ESPL1: variants seen among roughly 807,000 people sequenced by gnomAD.
ESPL1 encodes separin.
A neutral mutation model predicts 217.2 loss-of-function variants in ESPL1; 50 were observed. The observed-to-expected ratio is 0.23, with a 90% CI of 0.18 to 0.29. The LOEUF (loss-of-function observed/expected upper bound fraction) is 0.29, where lower values mean the gene tolerates loss of function less well. ESPL1 is among the 10% of genes least tolerant of loss of function. The pLI is 1.00. For synonymous variants in ESPL1, 994 were observed against 1,081.3 expected (o/e 0.92, Z 1.58); for missense variants, 1,834 against 2,603.0 (o/e 0.70, Z 6.43).
intron 7 of ESPL1, 126 bp from the exon 8 acceptor site, chr12:53,276,494 A>G: frequency 8.9e-7 from 1 of 1,122,798 alleles, no homozygotes; most frequent in Non-Finnish European, 1.2e-6. Flanking sequence ...TCTGATTTAA[A>G]TTTTTAAAGC....
chr12:53,291,880 G>A lies in ESPL1; in HGVS notation c.5691+20G>A. On this transcript the variant is annotated intron_variant, in intron 26 of 30. Transcript: ENST00000257934. ...GACAAGGTAAGGAGCTGGGGCAGAGGGGCAGTGTCTAGTGGGGAGTGAATA... is the reference window on the plus strand; with the variant it reads ...GACAAGGTAAGGAGCTGGGGCAGAGAGGCAGTGTCTAGTGGGGAGTGAATA... 6.3e-7 allele frequency: 1 copy of A among 1,586,762 alleles called. No homozygotes were observed. The highest frequency in any genetic ancestry group is 8.6e-7 in the Non-Finnish European group (1 of 1,164,646).
chr12:53,292,418 C>A lies in ESPL1; in HGVS notation c.5912+25C>A. ...GGTCAGGGGCGCGAAGACAAGAAGA[C>A]GTGTGGGGAAGGGTAGACAACATAC... On this transcript the variant is annotated intron_variant, in intron 28 of 30. Coordinates refer to ENST00000257934, the MANE Select transcript of ESPL1 (RefSeq NM_012291.5). This position sits in a 1 kb window ranked among gnomAD's most constrained non-coding sequence, Gnocchi z 4.5. The A allele has an allele frequency of 6.5e-7, 1 of 1,544,768 alleles. No individual in the cohort carries two copies. Among genetic ancestry groups the A allele is most frequent in the Non-Finnish European group, 9.0e-7 (1 of 1,116,908 alleles).
chr12:53,291,388 G>A (rs1416668842), intron 25 of ESPL1, among the ~76,000 whole-genome samples: 3 of 151,412 alleles, frequency 2.0e-5, no homozygotes, highest in Non-Finnish European at 2.9e-5. Flanking sequence ...GTCAAGAGGT[G>A]AAGACCATCC....
rs2120989499 is a variant in ESPL1, at chr12:53,289,114, G to A, written c.4733G>A (p.Cys1578Tyr). 3.1e-6 allele frequency: 5 copies of A among 1,614,106 alleles called. No individual in the cohort carries two copies. The highest frequency in any genetic ancestry group is 4.5e-5 in the East Asian group (2 of 44,878). ...GGTCTTTCTACCCTGGACTCCATCT[G>A]TGACTCCCTGAGTGTTGCTTTCCGG... ...ATGLSTLDSICDSLSVAFRGI... is the reference protein window; with the variant it reads ...ATGLSTLDSIYDSLSVAFRGI... The change falls in exon 21 of 31, where the codon TGT becomes TAT. Residue 1578 changes from cysteine (C) to tyrosine (Y), a missense_variant. Physicochemically the swap from Cys to Tyr is radical, Grantham distance 194 (BLOSUM62 -2). Transcript: ENST00000257934.
At chr12:53,284,226 A>G (rs1312128891) in intron 17 of ESPL1, 59 bp downstream of exon 17, 6 of 1,016,240 alleles carry the variant, frequency 5.9e-6, no homozygotes, top group Non-Finnish European at 9.3e-6. Context: ...ACTACAGCAC[A>G]TCTTTCTATG....
rs756157631 is a variant in ESPL1, at chr12:53,293,327, C to T, written c.6216C>T (p.Tyr2072=). ...TGACTGACCGCGACATTGACCGCTA[C>T]ACGGAAGCTCTGCTGCAAGGCTGGC... is the stretch of plus-strand genomic sequence containing the variant. The part of the protein sequence containing the change: ...WDVTDRDIDR[Y]TEALLQGWLG... Residue 2072 remains tyrosine (Y), a synonymous_variant, in exon 31 of 31, where the codon TAC becomes TAT. Transcript: ENST00000257934. This position sits in a 1 kb window ranked among gnomAD's most constrained non-coding sequence, Gnocchi z 4.2. The T allele has an allele frequency of 6.2e-6, 10 of 1,614,086 alleles. No homozygotes were observed. The highest frequency in any genetic ancestry group is 8.5e-6 in the Non-Finnish European group (10 of 1,180,040).
Position 53,293,237 on chromosome 12 carries a change from G to C in ESPL1, c.6162-36G>C. The stretch of plus-strand genomic sequence containing the variant: ...GTTTTCCTATGTATTCTGTTTTAGA[G>C]CCCTTACTTTGTATTTCCTCCTTTT... On this transcript the variant is annotated intron_variant, in intron 30 of 30. Coordinates refer to ENST00000257934, the MANE Select transcript of ESPL1 (RefSeq NM_012291.5). This position sits in a 1 kb window ranked among gnomAD's most constrained non-coding sequence, Gnocchi z 4.2. The C allele has an allele frequency of 6.5e-7, 1 of 1,545,390 alleles. No individual in the cohort carries two copies. Among genetic ancestry groups the C allele is most frequent in the South Asian group, 1.1e-5 (1 of 89,644 alleles).
intron 7 of ESPL1, among the ~76,000 whole-genome samples, chr12:53,276,337 G>A (rs1024836395): frequency 3.9e-5 from 6 of 152,206 alleles, no homozygotes; most frequent in Non-Finnish European, 8.8e-5. Context: ...GTAGAATAGC[G>A]GTATAGGATG....
intron 7 of ESPL1, 41 bp from the exon 8 acceptor site, chr12:53,276,579 C>T: frequency 6.5e-7 from 1 of 1,549,344 alleles, no homozygotes; most frequent in Non-Finnish European, 8.7e-7. Flanking sequence ...GGCTTTATGC[C>T]TCCTGGGTTC....
At position 53,281,166 on chromosome 12, in the gene ESPL1, C is replaced by T. The variant is rs1224481226; in HGVS notation, c.2500-341C>T. Among the ~76,000 whole-genome samples, 6 of 115,100 alleles carry T rather than the reference C, an allele frequency of 5.2e-5. No homozygotes were observed. The East Asian group carries it at 1.6e-3, about 31-fold the overall frequency. The allele number at this position is 115,100 out of a possible 152,430, so 75.5% of individuals were successfully genotyped here. ...TTTTTTTTTTTTTTTGAGACGGAGT[C>T]TCACTCTGTTGCCCAGGCTGGAGTG... is the stretch of plus-strand genomic sequence containing the variant. On this transcript the variant is annotated intron_variant, in intron 12 of 30. Transcript: ENST00000257934.
chr12:53,276,985 G>A (rs974331508), intron 8 of ESPL1, 98 bp from the exon 9 acceptor site: 7 of 1,557,970 alleles, frequency 4.5e-6, no homozygotes, highest in African/African-American at 1.4e-5. Context: ...GGGAGCACAT[G>A]CAAAGGGCGA....
chr12:53,283,210 T>G lies in ESPL1; in HGVS notation c.2873T>G (p.Ile958Ser), dbSNP rs182921952. 8 of 1,614,210 alleles carry G rather than the reference T, an allele frequency of 5.0e-6. No homozygotes were observed. In the Admixed American group the frequency reaches 8.3e-5, roughly 17 times the overall value. ...SIILLLMGSD[I>S]LSTQKAAVET... Reference sequence around the variant, plus strand: ...ATCCTCCTGCTGATGGGCAGTGACATTCTCTCAACTCAGAAAGCAGCTGTG... The same window carrying G: ...ATCCTCCTGCTGATGGGCAGTGACAGTCTCTCAACTCAGAAAGCAGCTGTG... The change falls in exon 15 of 31, where the codon ATT (isoleucine) becomes AGT (serine). Residue 958 changes from isoleucine (I) to serine (S), a missense_variant. Transcript: ENST00000257934.
In ESPL1 at chr12:53,288,062, C is replaced by T. The variant is rs750601771; in HGVS notation, c.4267C>T (p.Arg1423Trp). The T allele has an allele frequency of 9.3e-6, 15 of 1,613,486 alleles. No individual in the cohort carries two copies. Among genetic ancestry groups the T allele is most frequent in the Non-Finnish European group, 1.1e-5 (13 of 1,179,996 alleles). ...EEPKRRGTAS[R>W]GRGRARKGLS... Reference sequence around the variant, plus strand: ...GCCTAAGAGACGGGGCACTGCTTCCCGGGGCCGGGGGCGAGCAAGGAAGGG... The same window carrying T: ...GCCTAAGAGACGGGGCACTGCTTCCTGGGGCCGGGGGCGAGCAAGGAAGGG... Residue 1423 changes from arginine to tryptophan, a missense_variant, in exon 19 of 31, where the codon CGG becomes TGG. Physicochemically the swap from Arg to Trp is moderately radical, Grantham distance 101. Around this residue, in one of 5 missense-constraint regions of ESPL1, gnomAD observed 681 missense variants for 808.0 expected, o/e 0.84. Coordinates refer to ENST00000257934, the MANE Select transcript of ESPL1 (RefSeq NM_012291.5).
chr12:53,286,369 C>A lies in ESPL1; in HGVS notation c.3633C>A (p.Pro1211=). The change falls in exon 18 of 31, where the codon CCC becomes CCA. Residue 1211 remains proline, a synonymous_variant. Coordinates refer to ENST00000257934, the MANE Select transcript of ESPL1 (RefSeq NM_012291.5). This position sits in a 1 kb window ranked among gnomAD's most constrained non-coding sequence, Gnocchi z 5.3. ...AAGCTTCCCTGAATCATAAAACACC[C>A]CCCTCCTTGGTTCCAAGCCTCTTGG... ...ALQASLNHKT[P]PSLVPSLLDE... 6.2e-7 allele frequency: 1 copy of A among 1,614,210 alleles called. No homozygotes were observed. Among genetic ancestry groups the A allele is most frequent in the African/African-American group, 1.3e-5 (1 of 75,070 alleles).
rs137968545 is a variant in ESPL1, at chr12:53,289,493, C to T, written c.5012C>T (p.Ala1671Val). The change falls in exon 22 of 31, where the codon GCC becomes GTC. Residue 1671 changes from alanine to valine, a missense_variant. Ala to Val is a moderately conservative substitution (Grantham distance 64). Around this residue, in one of 5 missense-constraint regions of ESPL1, gnomAD observed 681 missense variants for 808.0 expected, o/e 0.84. Transcript: ENST00000257934. Reference sequence around the variant, plus strand: ...GAGATGCCTGGAGATGTCCCCCTGGCCCGCATCCAGCGCCTCTTTTCCTTC... The same window carrying T: ...GAGATGCCTGGAGATGTCCCCCTGGTCCGCATCCAGCGCCTCTTTTCCTTC... The part of the protein sequence containing the change: ...LQEMPGDVPL[A>V]RIQRLFSFRA... 144 of 1,614,174 alleles carry T rather than the reference C, an allele frequency of 8.9e-5. 1 individual carries two copies. The African/African-American group carries it at 1.8e-3, about 20-fold the overall frequency.
chr12:53,278,718 A>C (rs1473090854), intron 11 of ESPL1, among the ~76,000 whole-genome samples: 3 of 149,070 alleles, frequency 2.0e-5, no homozygotes, highest in Non-Finnish European at 3.0e-5. Flanking sequence ...CAGCCTCCTG[A>C]GTAGCTGGGA....
intron 6 of ESPL1, chr12:53,274,372 A>G (rs1262978888): frequency 6.1e-6 from 1 of 163,660 alleles, no homozygotes; most frequent in Non-Finnish European, 1.3e-5. Flanking sequence ...TCAGGCTGCT[A>G]TAGTATTCTA....
Position 53,289,212 on chromosome 12 carries a change from C to T in ESPL1, c.4831C>T (p.Arg1611Trp), listed in dbSNP as rs1270353238. 1 of 1,613,636 alleles carries T rather than the reference C, an allele frequency of 6.2e-7. No individual in the cohort carries two copies. The highest frequency in any genetic ancestry group is 1.3e-5 in the African/African-American group (1 of 74,924). Residue 1611 changes from arginine (R) to tryptophan (W), a missense_variant, in exon 21 of 31, where the codon CGG (arginine) becomes TGG (tryptophan). Around this residue, in one of 5 missense-constraint regions of ESPL1, gnomAD observed 681 missense variants for 808.0 expected, o/e 0.84. Coordinates refer to ENST00000257934, the MANE Select transcript of ESPL1 (RefSeq NM_012291.5). The stretch of plus-strand genomic sequence containing the variant: ...CTTCCTGGCCTTGTGCCTGGGCCAC[C>T]GGGATCCTTATGCCACTGCTTTCCT... ...CRFLALCLGH[R>W]DPYATAFLVT... is the part of the protein sequence containing the mutation.
In ESPL1 at chr12:53,292,199, C is replaced by T. The variant is rs913746486; in HGVS notation, c.5797-79C>T. The T allele has an allele frequency of 1.8e-5, 25 of 1,419,094 alleles. No individual in the cohort carries two copies. In the African/African-American group the frequency reaches 2.7e-4, roughly 15 times the overall value. 87.9% of individuals were successfully genotyped at this position (1,419,094 alleles called of 1,614,324 possible). ...GAGAGGGTCCTAGGAATGGCTCAGA[C>T]ATGGAAAGGGGCTGAGATTGTTAGA... On this transcript the variant is annotated intron_variant, in intron 27 of 30. Coordinates refer to ENST00000257934, the MANE Select transcript of ESPL1 (RefSeq NM_012291.5). The surrounding 1 kb of genome is among the most constrained non-coding windows in gnomAD (Gnocchi z 4.5).
Sources: allele counts gnomAD v4.1 joint callset (sites outside exome capture counted in the v4.1 genomes callset), GRCh38; gene constraint gnomAD v4.1.1; regional missense constraint gnomAD v4.1.1; non-coding constraint Gnocchi (gnomAD v3.1); transcripts MANE v1.5; gene names NCBI Gene and HGNC (gene_info 2026-07-23, HGNC 2026-07-21).